SEMA3C: variants seen among roughly 807,000 people sequenced by gnomAD.
SEMA3C encodes semaphorin-3C.
In SEMA3C, 47 loss-of-function variants were observed where a neutral mutation model predicts 89.4. The observed-to-expected ratio is 0.53, with a 90% CI of 0.42 to 0.67. SEMA3C has a LOEUF of 0.67. SEMA3C is among the 30% of genes least tolerant of loss of function. SEMA3C has a pLI of 0.00. For missense variants in SEMA3C, 839 were observed against 929.1 expected (o/e 0.90, Z 1.26); for synonymous variants, 310 against 320.2 (o/e 0.97, Z 0.34).
intron 2 of SEMA3C, among the ~76,000 whole-genome samples, chr7:80,916,185 A>G (rs556636771): frequency 6.6e-6 from 1 of 152,326 alleles, no homozygotes; most frequent in South Asian, 2.1e-4. Context: ...GACTATGCCA[A>G]TCTCAGGAAA....
intron 15 of SEMA3C, among the ~76,000 whole-genome samples, chr7:80,753,406 A>G (rs1042175679): frequency 3.9e-5 from 6 of 152,210 alleles, no homozygotes; most frequent in African/African-American, 1.4e-4. Flanking sequence ...CAATGGCTAA[A>G]TTTATTGTCC....
intron 12 of SEMA3C, among the ~76,000 whole-genome samples, chr7:80,781,818 A>G (rs1348078955): frequency 6.6e-6 from 1 of 152,148 alleles, no homozygotes; most frequent in Non-Finnish European, 1.5e-5. Context: ...ACACTCAGGG[A>G]TGTGGTCTGA....
chr7:80,768,500 C>T lies in SEMA3C; in HGVS notation c.1355-3257G>A, dbSNP rs549837121. Among the ~76,000 whole-genome samples, 336 of 145,624 alleles carry T rather than the reference C, an allele frequency of 2.3e-3. 2 individuals are homozygous for T. The highest frequency in any genetic ancestry group is 6.8e-3 in the African/African-American group (265 of 38,844). Reference sequence around the variant, plus strand: ...CTGCACTCCAGCCTGGGCGACAGAGCGAGACTCCGTCTAAAAAAAAAAAAA... The same window carrying T: ...CTGCACTCCAGCCTGGGCGACAGAGTGAGACTCCGTCTAAAAAAAAAAAAA... On this transcript the variant is annotated intron_variant, in intron 12 of 17. Coordinates refer to ENST00000265361, the MANE Select transcript of SEMA3C (RefSeq NM_006379.5).
At chr7:80,879,617 A>G (rs1042583428) in intron 2 of SEMA3C, among the ~76,000 whole-genome samples, 1 of 152,184 alleles carries the variant, frequency 6.6e-6, no homozygotes, top group Admixed American at 6.5e-5. Context: ...TATAGAGTCT[A>G]TGTTACAGCC....
At chr7:80,853,785 CTG>C (rs1384027232) in intron 2 of SEMA3C, among the ~76,000 whole-genome samples, 1 of 152,048 alleles carries the variant, frequency 6.6e-6, no homozygotes, top group Non-Finnish European at 1.5e-5. Flanking sequence ...ATTGGACTGT[CTG>C]TAACAAAAAG....
chr7:80,817,353 T>G (rs1441117308), intron 5 of SEMA3C, among the ~76,000 whole-genome samples: 1 of 152,206 alleles, frequency 6.6e-6, no homozygotes, highest in African/African-American at 2.4e-5. Flanking sequence ...ATATTTATTT[T>G]TTTCAAAATT....
chr7:80,760,084 T>C (rs770883812), intron 14 of SEMA3C, among the ~76,000 whole-genome samples: 1 of 152,186 alleles, frequency 6.6e-6, no homozygotes, highest in Non-Finnish European at 1.5e-5. Flanking sequence ...GAAAGTTATT[T>C]AAATACACAT....
chr7:80,865,010 G>A (rs1340685021), intron 2 of SEMA3C, among the ~76,000 whole-genome samples: 2 of 151,734 alleles, frequency 1.3e-5, no homozygotes, highest in Non-Finnish European at 1.5e-5. Flanking sequence ...CATATTAAAC[G>A]GTTTGTTTTA....
chr7:80,838,255 C>T (rs1790180669), intron 2 of SEMA3C, among the ~76,000 whole-genome samples: 1 of 152,062 alleles, frequency 6.6e-6, no homozygotes, highest in Non-Finnish European at 1.5e-5. Context: ...CAACACCACC[C>T]TCCAGAGCAC....
intron 2 of SEMA3C, among the ~76,000 whole-genome samples, chr7:80,892,366 CTTTG>C (rs1452602138): frequency 1.3e-5 from 2 of 151,976 alleles, no homozygotes; most frequent in Admixed American, 1.3e-4. Flanking sequence ...GTAGGAATTT[CTTTG>C]TTTTTTTCTA....
intron 13 of SEMA3C, among the ~76,000 whole-genome samples, chr7:80,763,683 T>A (rs1490042222): frequency 6.6e-6 from 1 of 152,202 alleles, no homozygotes; most frequent in Non-Finnish European, 1.5e-5. Flanking sequence ...AAGGAGATAT[T>A]TCAGTATTAA....
intron 12 of SEMA3C, among the ~76,000 whole-genome samples, chr7:80,785,119 G>T (rs983875720): frequency 4.6e-5 from 7 of 152,048 alleles, no homozygotes; most frequent in Admixed American, 1.3e-4. Context: ...CAGTTTGATG[G>T]GAGTAGAAGG....
intron 2 of SEMA3C, among the ~76,000 whole-genome samples, chr7:80,842,412 T>C (rs953563735): frequency 6.6e-6 from 1 of 152,200 alleles, no homozygotes; most frequent in Non-Finnish European, 1.5e-5. Context: ...TTCTTGCATG[T>C]ACTTCAAGAA....
chr7:80,820,368 T>G (rs1789718049), intron 4 of SEMA3C, among the ~76,000 whole-genome samples: 1 of 151,926 alleles, frequency 6.6e-6, no homozygotes, highest in Admixed American at 6.6e-5. Context: ...CCTCTCCTAT[T>G]TTTTTATAAA....
intron 2 of SEMA3C, chr7:80,905,795 T>G: frequency 8.7e-7 from 1 of 1,148,302 alleles, no homozygotes. Flanking sequence ...GTTTGCCTGG[T>G]GTAATATTTA....
intron 6 of SEMA3C, among the ~76,000 whole-genome samples, chr7:80,808,160 G>C (rs912332535): frequency 3.9e-5 from 6 of 152,082 alleles, no homozygotes; most frequent in African/African-American, 1.4e-4. Flanking sequence ...AATGACTTAA[G>C]ATAATTTAGC....
At chr7:80,758,243 G>C (rs1788107569) in intron 15 of SEMA3C, 88 bp downstream of exon 15, 2 of 1,385,538 alleles carry the variant, frequency 1.4e-6, no homozygotes, top group East Asian at 4.6e-5. Flanking sequence ...TAAGGAAACA[G>C]CAATAGAACT....
At chr7:80,840,970 T>C (rs1790254189) in intron 2 of SEMA3C, among the ~76,000 whole-genome samples, 1 of 152,096 alleles carries the variant, frequency 6.6e-6, no homozygotes, top group South Asian at 2.1e-4. Context: ...AGAAAAAGTT[T>C]GCGTAGAAAC....
At chr7:80,824,621 G>T (rs1789829182) in intron 4 of SEMA3C, among the ~76,000 whole-genome samples, 1 of 152,152 alleles carries the variant, frequency 6.6e-6, no homozygotes, top group African/African-American at 2.4e-5. Context: ...ACCCAGCTGT[G>T]CTTTGTGTGT....
Sources: gnomAD v4.1 joint callset for allele counts (sites outside exome capture counted in the v4.1 genomes callset) on GRCh38, gnomAD v4.1.1 for gene constraint, MANE v1.5 for transcripts, NCBI Gene and HGNC (gene_info 2026-07-23, HGNC 2026-07-21) for gene names.